CADPS: variants seen among roughly 807,000 people sequenced by gnomAD.
The protein encoded by CADPS is calcium dependent secretion activator, also known as calcium-dependent secretion activator 1.
A neutral mutation model predicts 167.3 loss-of-function variants in CADPS; 57 were observed. The observed-to-expected ratio is 0.34, with a 90% CI of 0.28 to 0.42. CADPS has a LOEUF of 0.42. Among genes scored for constraint, CADPS ranks in the 20% least tolerant of loss-of-function variants. The probability of loss-of-function intolerance (pLI) is 1.00; values close to 1 mark genes in which losing one functional copy is unlikely to be tolerated. For synonymous variants in CADPS, 676 were observed against 635.3 expected (o/e 1.06, Z -0.96); for missense variants, 1,414 against 1,738.1 (o/e 0.81, Z 3.32).
At chr3:62,471,269 A>C (rs1486647725) in intron 24 of CADPS, among the ~76,000 whole-genome samples, 1 of 152,184 alleles carries the variant, frequency 6.6e-6, no homozygotes, top group Non-Finnish European at 1.5e-5. Flanking sequence ...TTGGCCCAGA[A>C]GCAATTAGTG....
chr3:62,771,143 T>C (rs2088608871), intron 1 of CADPS, among the ~76,000 whole-genome samples: 1 of 152,244 alleles, frequency 6.6e-6, no homozygotes, highest in Admixed American at 6.5e-5. Flanking sequence ...TTTACTGTTG[T>C]ACTTCTTGTT....
At chr3:62,716,536 C>G (rs947429780) in intron 3 of CADPS, among the ~76,000 whole-genome samples, 5 of 152,198 alleles carry the variant, frequency 3.3e-5, no homozygotes, top group African/African-American at 1.2e-4. Flanking sequence ...TCTGACAGAT[C>G]AAAGCACTTT....
chr3:62,816,983 C>T (rs1337186338), intron 1 of CADPS, among the ~76,000 whole-genome samples: 2 of 152,082 alleles, frequency 1.3e-5, no homozygotes, highest in East Asian at 1.9e-4. Context: ...TTTGGCCTTT[C>T]TCCACCTCAA....
chr3:62,645,738 CG>C lies in CADPS; in HGVS notation c.1308del (p.Glu437ArgfsTer22). ...EGGEKLQTDQ[A>X]EASKPTWGTQ... is the part of the protein sequence containing the mutation. The stretch of plus-strand genomic sequence containing the variant: ...ATAACTTACGTTGGTTTAGAAGCCT[CG>C]GCCTGATCAGTCTGTAGTTTCTCTC... On this transcript the variant is annotated frameshift_variant, in exon 6 of 30. Coordinates refer to ENST00000383710, the MANE Select transcript of CADPS (RefSeq NM_003716.4). LOFTEE classifies it high-confidence loss of function. 1 of 1,614,104 alleles carries C rather than the reference CG, an allele frequency of 6.2e-7. No individual in the cohort carries two copies. Among genetic ancestry groups the C allele is most frequent in the Non-Finnish European group, 8.5e-7 (1 of 1,179,970 alleles).
At chr3:62,817,214 GT>G (rs34993509) in intron 1 of CADPS, among the ~76,000 whole-genome samples, 29,431 of 152,096 alleles carry the variant, frequency 0.19, 3,042 homozygotes, top group African/African-American at 0.24. Context: ...TGCACCATTT[GT>G]TTGAGTTTAC....
At chr3:62,715,674 G>A (rs571428388) in intron 3 of CADPS, among the ~76,000 whole-genome samples, 2 of 148,414 alleles carry the variant, frequency 1.3e-5, no homozygotes, top group Admixed American at 6.7e-5. Flanking sequence ...GCTAATTCAC[G>A]TTTATCCCTT....
intron 3 of CADPS, among the ~76,000 whole-genome samples, chr3:62,692,187 A>G (rs1221511212): frequency 6.6e-6 from 1 of 151,814 alleles, no homozygotes. Flanking sequence ...ATCTATATAC[A>G]TATATATAGA....
chr3:62,762,441 G>T (rs1191968206), intron 2 of CADPS, among the ~76,000 whole-genome samples: 1 of 151,996 alleles, frequency 6.6e-6, no homozygotes, highest in Non-Finnish European at 1.5e-5. Context: ...TGGATCACTT[G>T]AGCCCAGGAG....
chr3:62,839,290 G>T (rs57265743), intron 1 of CADPS, among the ~76,000 whole-genome samples: 4,513 of 152,154 alleles, frequency 0.03, 81 homozygotes, highest in South Asian at 0.054. Flanking sequence ...TGCCTCCCGG[G>T]TTTAAGCGAT....
At chr3:62,767,620 A>T (rs1285961372) in intron 1 of CADPS, among the ~76,000 whole-genome samples, 2 of 152,184 alleles carry the variant, frequency 1.3e-5, no homozygotes, top group African/African-American at 4.8e-5. Flanking sequence ...TGTGACACAG[A>T]TGGAAGCTGG....
intron 14 of CADPS, among the ~76,000 whole-genome samples, chr3:62,517,825 T>C (rs76648244): frequency 3.1e-3 from 465 of 152,318 alleles, no homozygotes; most frequent in Non-Finnish European, 4.6e-3. Flanking sequence ...CACCATGTTC[T>C]GATTCACAAG....
intron 6 of CADPS, among the ~76,000 whole-genome samples, chr3:62,621,183 TTTGA>T (rs2149474466): frequency 1.3e-5 from 2 of 152,316 alleles, no homozygotes; most frequent in South Asian, 4.1e-4. Context: ...TGAAGTGAAC[TTTGA>T]TTGCTGTATT....
intron 3 of CADPS, among the ~76,000 whole-genome samples, chr3:62,698,715 C>T (rs2080824917): frequency 7.0e-6 from 1 of 143,316 alleles, no homozygotes; most frequent in Non-Finnish European, 1.5e-5. Context: ...CTCTCCTTTC[C>T]TTTCCTCCCC....
At position 62,561,453 on chromosome 3, in the gene CADPS, TG is replaced by T. The variant is rs921600863; in HGVS notation, c.1645-3941del. Reference sequence around the variant, plus strand: ...TTTTTTAATTTTTTGGTAGAGATGGTGGGGGGGATGTCTCACTATGTTACCT... The same window carrying T: ...TTTTTTAATTTTTTGGTAGAGATGGTGGGGGGATGTCTCACTATGTTACCT... On this transcript the variant is annotated intron_variant, in intron 9 of 29. Coordinates refer to ENST00000383710, the MANE Select transcript of CADPS (RefSeq NM_003716.4). Among the ~76,000 whole-genome samples, 6 of 150,060 alleles carry T rather than the reference TG, an allele frequency of 4.0e-5. No homozygotes were observed. The Admixed American group carries it at 4.0e-4, about 10-fold the overall frequency.
rs180960336 is a variant in CADPS at position 62,492,446 on chromosome 3, C to T, written c.2728G>A (p.Ala910Thr). 3 of 1,611,342 alleles carry T rather than the reference C, an allele frequency of 1.9e-6. No homozygotes were observed. Among genetic ancestry groups the T allele is most frequent in the Admixed American group, 1.7e-5 (1 of 59,662 alleles). ...ATTAAATCTGACCACCACGCAAAGG[C>T]CTTTAAAATTTGGCAGAAAAACAAT... ...HAEPHVDKGE[A>T]FAWWSDLMVE... The change falls in exon 20 of 30, where the codon GCC (alanine) becomes ACC (threonine). Residue 910 changes from alanine to threonine, a missense_variant and splice_region_variant. Ala to Thr is a moderately conservative substitution (Grantham distance 58). Coordinates refer to ENST00000383710, the MANE Select transcript of CADPS (RefSeq NM_003716.4).
chr3:62,806,856 A>C (rs577486468), intron 1 of CADPS, among the ~76,000 whole-genome samples: 6 of 152,194 alleles, frequency 3.9e-5, no homozygotes, highest in Non-Finnish European at 7.3e-5. Flanking sequence ...CTAATTTAGA[A>C]ATTGTCCTTG....
At chr3:62,650,463 G>T (rs909708767) in intron 5 of CADPS, among the ~76,000 whole-genome samples, 7 of 152,134 alleles carry the variant, frequency 4.6e-5, no homozygotes, top group African/African-American at 1.7e-4. Flanking sequence ...GTAGCCAACA[G>T]GAAGGATGAT....
intron 1 of CADPS, among the ~76,000 whole-genome samples, chr3:62,863,257 C>A (rs1045984881): frequency 4.6e-5 from 7 of 152,066 alleles, no homozygotes; most frequent in Non-Finnish European, 8.8e-5. Flanking sequence ...ACTGCCTTGG[C>A]CCCAACCCAT....
At chr3:62,417,059 A>G (rs985847251) in intron 28 of CADPS, among the ~76,000 whole-genome samples, 1 of 151,354 alleles carries the variant, frequency 6.6e-6, no homozygotes, top group Non-Finnish European at 1.5e-5. Context: ...CTAAGCATAC[A>G]TTTTTCTAGC....
Sources: allele counts gnomAD v4.1 joint callset (sites outside exome capture counted in the v4.1 genomes callset), GRCh38; gene constraint gnomAD v4.1.1; transcripts MANE v1.5; gene names NCBI Gene and HGNC (gene_info 2026-07-23, HGNC 2026-07-21).